DSE: variants seen among roughly 807,000 people sequenced by gnomAD.
The protein encoded by DSE is dermatan sulfate epimerase, also known as dermatan-sulfate epimerase.
In DSE, 36 loss-of-function variants were observed where a neutral mutation model predicts 84.4. That is an observed-to-expected ratio of 0.43 (90% confidence interval 0.33 to 0.56). The LOEUF (loss-of-function observed/expected upper bound fraction) is 0.56. Among genes scored for constraint, DSE ranks in the 20% least tolerant of loss-of-function variants. The pLI is 0.06. For synonymous variants in DSE, 410 were observed against 430.1 expected, an observed-to-expected ratio of 0.95 and a Z score of 0.58; for missense variants, 862 against 1,169.6, an observed-to-expected ratio of 0.74 and a Z score of 3.84.
chr6:116,300,238 C>G (rs560043092), intron 2 of DSE, among the ~76,000 whole-genome samples: 1 of 152,268 alleles, frequency 6.6e-6, no homozygotes, highest in Non-Finnish European at 1.5e-5. Flanking sequence ...TAGGAACTAA[C>G]AGAGTCATGT....
chr6:116,279,776 T>C (rs1377815629), intron 2 of DSE: 1 of 1,612,612 alleles, frequency 6.2e-7, no homozygotes, highest in Non-Finnish European at 8.5e-7. Context: ...TCAGAAATAA[T>C]GATGCTGTGG....
chr6:116,346,699 A>G (rs569338058), intron 2 of DSE, among the ~76,000 whole-genome samples: 13 of 152,224 alleles, frequency 8.5e-5, no homozygotes, highest in Non-Finnish European at 1.8e-4. Flanking sequence ...ATTCCATTTG[A>G]AAACTAGCAC....
At chr6:116,394,984 G>T (rs1781147936) in intron 1 of DSE, among the ~76,000 whole-genome samples, 1 of 152,226 alleles carries the variant, frequency 6.6e-6, no homozygotes, top group Non-Finnish European at 1.5e-5. Context: ...GCCTGGGAGT[G>T]CTCTGCTGTT....
At chr6:116,354,518 A>G (rs765993793) in intron 2 of DSE, among the ~76,000 whole-genome samples, 121 of 152,300 alleles carry the variant, frequency 7.9e-4, no homozygotes, top group Non-Finnish European at 1.4e-3. Context: ...CCTTACAAGC[A>G]CTTCAGTTAC....
At chr6:116,382,280 G>A (rs769464635) in intron 1 of DSE, among the ~76,000 whole-genome samples, 11 of 151,964 alleles carry the variant, frequency 7.2e-5, no homozygotes, top group Admixed American at 2.0e-4. Flanking sequence ...CAGATATTTC[G>A]AGCCTACCAT....
chr6:116,397,207 C>CTTTTTTT (rs11296951), intron 1 of DSE, among the ~76,000 whole-genome samples: 5 of 105,168 alleles, frequency 4.8e-5, no homozygotes, highest in East Asian at 2.4e-4. Flanking sequence ...CTCTTTCTTT[C>CTTTTTTT]TTTTTTTTTT....
At chr6:116,366,160 G>A (rs1162794440), upstream of DSE, 2 of 152,234 alleles carry the variant, frequency 1.3e-5, no homozygotes, top group Non-Finnish European at 2.9e-5. Context: ...TCCTACTGAT[G>A]AGAAAGTGGA....
intron 2 of DSE, among the ~76,000 whole-genome samples, chr6:116,318,506 GAA>G (rs370005829): frequency 5.4e-5 from 4 of 74,624 alleles, no homozygotes; most frequent in Admixed American, 2.3e-4. Context: ...CATCTCAAAA[GAA>G]AAAAAAAAAA....
intron 2 of DSE, among the ~76,000 whole-genome samples, chr6:116,317,089 G>T (rs4259281): frequency 2.6e-5 from 4 of 152,004 alleles, no homozygotes; most frequent in Non-Finnish European, 5.9e-5. Flanking sequence ...AGAAAGAGAA[G>T]GGGAAGAATG....
At chr6:116,419,295 A>G (rs1186281935) in intron 2 of DSE, among the ~76,000 whole-genome samples, 2 of 152,222 alleles carry the variant, frequency 1.3e-5, no homozygotes, top group African/African-American at 2.4e-5. Context: ...ACATATTACT[A>G]ACATTTAACA....
intron 1 of DSE, among the ~76,000 whole-genome samples, chr6:116,372,491 CTA>C (rs1473869496): frequency 2.0e-5 from 3 of 152,050 alleles, no homozygotes; most frequent in Non-Finnish European, 2.9e-5. Flanking sequence ...ATGATAATCT[CTA>C]TGTGAAATAG....
chr6:116,284,636 A>AT (rs1773759326), intron 2 of DSE, among the ~76,000 whole-genome samples: 1 of 149,284 alleles, frequency 6.7e-6, no homozygotes, highest in Admixed American at 6.7e-5. Flanking sequence ...CACATTAGGT[A>AT]TATCTCCTAA....
Position 116,403,582 on chromosome 6 carries a change from C to G in DSE, c.416+3916C>G, listed in dbSNP as rs552152447. Among the ~76,000 whole-genome samples the G allele has an allele frequency of 2.0e-5, 3 of 152,126 alleles. No individual in the cohort carries two copies. In the East Asian group the frequency reaches 5.8e-4, roughly 29 times the overall value. On this transcript the variant is annotated intron_variant, in intron 2 of 5. Coordinates refer to ENST00000644252, the MANE Select transcript of DSE (RefSeq NM_013352.4). ...GGAAAGACTGGAGACATTGACTGGA[C>G]AAGGAATGTGACAGTTGCTAAAAGG...
intron 2 of DSE, among the ~76,000 whole-genome samples, chr6:116,291,003 G>A (rs563991445): frequency 5.3e-5 from 8 of 152,260 alleles, no homozygotes; most frequent in Non-Finnish European, 8.8e-5. Flanking sequence ...TGGAGGCGTA[G>A]ACTTGAGACC....
intron 2 of DSE, among the ~76,000 whole-genome samples, chr6:116,402,550 A>G (rs1781661047): frequency 6.6e-6 from 1 of 152,168 alleles, no homozygotes; most frequent in Non-Finnish European, 1.5e-5. Flanking sequence ...GTAAATGAGA[A>G]TAATGACAAT....
chr6:116,338,999 C>T (rs192390420), intron 2 of DSE, among the ~76,000 whole-genome samples: 3 of 152,286 alleles, frequency 2.0e-5, no homozygotes, highest in Non-Finnish European at 4.4e-5. Context: ...TTGTCTCATG[C>T]GCCCTGTGCT....
chr6:116,272,620 G>T (rs947644578), intron 2 of DSE, among the ~76,000 whole-genome samples: 18 of 152,184 alleles, frequency 1.2e-4, no homozygotes, highest in African/African-American at 4.3e-4. Context: ...TGGGAAGGGA[G>T]TATGTATTCC....
chr6:116,300,397 C>T (rs1405636180), intron 2 of DSE, among the ~76,000 whole-genome samples: 1 of 152,136 alleles, frequency 6.6e-6, no homozygotes, highest in Non-Finnish European at 1.5e-5. Context: ...AAAAGCCTCG[C>T]TTCAAATGCA....
chr6:116,405,972 C>T (rs1313131105), intron 2 of DSE, among the ~76,000 whole-genome samples: 1 of 152,190 alleles, frequency 6.6e-6, no homozygotes, highest in Non-Finnish European at 1.5e-5. Flanking sequence ...ATTTCAAATG[C>T]AGGTGAAGAT....
Sources: allele counts gnomAD v4.1 joint callset (sites outside exome capture counted in the v4.1 genomes callset), GRCh38; gene constraint gnomAD v4.1.1; transcripts MANE v1.5; gene names NCBI Gene and HGNC (gene_info 2026-07-23, HGNC 2026-07-21).